The following SPATA17 variants were observed in gnomAD, a reference collection of about 807,000 sequenced individuals.
SPATA17 encodes the protein spermatogenesis associated 17.
In SPATA17, 53 loss-of-function variants were observed where a neutral mutation model predicts 62.2. The ratio of observed to expected loss-of-function variants is 0.85; its 90% CI spans 0.68 to 1.07. The LOEUF (loss-of-function observed/expected upper bound fraction) is 1.07, where lower values mean the gene tolerates loss of function less well. Ranked by LOEUF, SPATA17 falls within the 50% of genes least tolerant of loss-of-function variation. SPATA17 has a pLI of 0.00. For missense variants in SPATA17, 466 were observed against 425.5 expected, an observed-to-expected ratio of 1.10 and a Z score of -0.84; for synonymous variants, 146 against 146.8, an observed-to-expected ratio of 0.99 and a Z score of 0.04.
At chr1:217,819,012 G>A (rs559120207) in intron 9 of SPATA17, among the ~76,000 whole-genome samples, 2 of 149,652 alleles carry the variant, frequency 1.3e-5, no homozygotes, top group African/African-American at 4.9e-5. Flanking sequence ...CTTTAAATAA[G>A]TTTCCTGCAT....
At chr1:217,832,053 G>T (rs532329016) in intron 9 of SPATA17, among the ~76,000 whole-genome samples, 198 of 152,130 alleles carry the variant, frequency 1.3e-3, no homozygotes, top group Non-Finnish European at 2.3e-3. Flanking sequence ...TTGAGGCAGT[G>T]GATATTGTTT....
At chr1:217,744,279 G>A in intron 6 of SPATA17, among the ~76,000 whole-genome samples, 1 of 55,708 alleles carries the variant, frequency 1.8e-5, no homozygotes, top group South Asian at 4.3e-4. Flanking sequence ...CGGCTAAAAC[G>A]GTGAAACCCC....
chr1:217,774,726 A>G (rs1356382077), intron 7 of SPATA17, among the ~76,000 whole-genome samples, 189 bp downstream of exon 7: 1 of 152,144 alleles, frequency 6.6e-6, no homozygotes, highest in Non-Finnish European at 1.5e-5. Flanking sequence ...AACTATACCC[A>G]CTAAACAACT....
chr1:217,782,127 C>CA (rs776718872), intron 7 of SPATA17, 47 bp from the exon 8 acceptor site: 8 of 1,514,548 alleles, frequency 5.3e-6, no homozygotes, highest in Admixed American at 2.2e-5. Flanking sequence ...AGTAATACCT[C>CA]AAAAAAATCT....
At chr1:217,831,407 G>A (rs1016111834) in intron 9 of SPATA17, among the ~76,000 whole-genome samples, 1 of 151,904 alleles carries the variant, frequency 6.6e-6, no homozygotes, top group African/African-American at 2.4e-5. Context: ...CTGACACCTG[G>A]TCTCTTCTAA....
At chr1:217,682,205 T>G (rs1321444139) in intron 4 of SPATA17, among the ~76,000 whole-genome samples, 2 of 152,034 alleles carry the variant, frequency 1.3e-5, no homozygotes, top group African/African-American at 4.8e-5. Context: ...TTTGTTTGAG[T>G]TTTTCAGATA....
chr1:217,724,404 A>G (rs1036181746), intron 5 of SPATA17, among the ~76,000 whole-genome samples: 5 of 152,056 alleles, frequency 3.3e-5, no homozygotes, highest in Admixed American at 2.0e-4. Flanking sequence ...CTTGGCCAAC[A>G]TGGTGAAACC....
chr1:217,742,330 G>A (rs1489503631), intron 6 of SPATA17, among the ~76,000 whole-genome samples: 1 of 152,220 alleles, frequency 6.6e-6, no homozygotes, highest in Non-Finnish European at 1.5e-5. Context: ...CAAGTCAGCA[G>A]TGTGATCTGC....
At chr1:217,829,069 A>T (rs769093067) in intron 9 of SPATA17, among the ~76,000 whole-genome samples, 4 of 152,020 alleles carry the variant, frequency 2.6e-5, no homozygotes, top group Non-Finnish European at 4.4e-5. Context: ...CTACCATATA[A>T]CCCAGCAATT....
In SPATA17 at chr1:217,670,883, G is replaced by A. The variant is rs190794613; in HGVS notation, c.291+1800G>A. 1.2e-4 allele frequency among the ~76,000 whole-genome samples: 18 copies of A among 150,198 alleles called. No individual in the cohort carries two copies. In the East Asian group the frequency reaches 3.0e-3, roughly 25 times the overall value. On this transcript the variant is annotated intron_variant, in intron 4 of 10. Coordinates refer to ENST00000366933, the MANE Select transcript of SPATA17 (RefSeq NM_138796.4). Reference sequence around the variant, plus strand: ...GGAGAATCCCTTGAGCCCAGAAGGCGGAAGTGGCAGTGAGCCGAGATCCCA... The same window carrying A: ...GGAGAATCCCTTGAGCCCAGAAGGCAGAAGTGGCAGTGAGCCGAGATCCCA...
chr1:217,827,780 G>A (rs1002512958), intron 9 of SPATA17, among the ~76,000 whole-genome samples: 2 of 152,128 alleles, frequency 1.3e-5, no homozygotes, highest in African/African-American at 4.8e-5. Context: ...ACTAATGCAG[G>A]AACAGAAAAC....
At chr1:217,837,216 G>C (rs1322543595) in intron 9 of SPATA17, among the ~76,000 whole-genome samples, 1 of 152,004 alleles carries the variant, frequency 6.6e-6, no homozygotes, top group Non-Finnish European at 1.5e-5. Flanking sequence ...AAATTGATGA[G>C]ATTAAAAACA....
intron 1 of SPATA17, among the ~76,000 whole-genome samples, chr1:217,642,614 A>C (rs1222661152): frequency 6.6e-6 from 1 of 152,092 alleles, no homozygotes; most frequent in Non-Finnish European, 1.5e-5. Context: ...AGGTGATTGG[A>C]TCATGGGGGC....
chr1:217,790,596 G>A (rs1053959609), intron 8 of SPATA17, among the ~76,000 whole-genome samples: 12 of 151,974 alleles, frequency 7.9e-5, no homozygotes, highest in Non-Finnish European at 1.3e-4. Flanking sequence ...GTCCGCCACC[G>A]TGCCCGGCTA....
intron 9 of SPATA17, among the ~76,000 whole-genome samples, chr1:217,809,419 A>G (rs1324193593): frequency 6.6e-6 from 1 of 152,198 alleles, no homozygotes; most frequent in African/African-American, 2.4e-5. Context: ...CAAGAAGCTT[A>G]TTTAGCTCAC....
chr1:217,786,254 G>A (rs1195317761), intron 8 of SPATA17, among the ~76,000 whole-genome samples: 2 of 152,094 alleles, frequency 1.3e-5, no homozygotes, highest in Admixed American at 6.5e-5. Flanking sequence ...TTGATAAATG[G>A]TCAAGTGTGT....
rs529917261 is a variant in SPATA17 at position 217,743,636 on chromosome 1, G to A, written c.519+1538G>A. 2.9e-4 allele frequency among the ~76,000 whole-genome samples: 44 copies of A among 151,786 alleles called. 1 individual carries two copies. In the South Asian group the frequency reaches 8.8e-3, roughly 30 times the overall value. ...TTTTTTTAAGAGGGAGCAAAAAAGA[G>A]TCTCACCCTGTTGCCCAGGCTGGAG... On this transcript the variant is annotated intron_variant, in intron 6 of 10. Transcript: ENST00000366933.
chr1:217,833,405 G>A (rs971527555), intron 9 of SPATA17, among the ~76,000 whole-genome samples: 1 of 152,136 alleles, frequency 6.6e-6, no homozygotes, highest in Non-Finnish European at 1.5e-5. Flanking sequence ...TCTAAGGAGG[G>A]ATAGCGTTAA....
chr1:217,837,424 C>G (rs1056066797), intron 9 of SPATA17, among the ~76,000 whole-genome samples: 1 of 152,008 alleles, frequency 6.6e-6, no homozygotes, highest in Non-Finnish European at 1.5e-5. Context: ...AATTGCTGCA[C>G]TGTGGGGTAA....
Sources: gnomAD v4.1 joint callset for allele counts (sites outside exome capture counted in the v4.1 genomes callset) on GRCh38, gnomAD v4.1.1 for gene constraint, MANE v1.5 for transcripts, NCBI Gene and HGNC (gene_info 2026-07-23, HGNC 2026-07-21) for gene names.